WDFY4: variants seen among roughly 807,000 people sequenced by gnomAD.
WDFY4 encodes WD repeat- and FYVE domain-containing protein 4.
A neutral mutation model predicts 351.9 loss-of-function variants in WDFY4; 169 were observed. The observed-to-expected ratio is 0.48, with a 90% CI of 0.42 to 0.55. WDFY4 has a LOEUF of 0.55. WDFY4 is among the 20% of genes least tolerant of loss of function. The pLI is 0.00. For missense variants in WDFY4, 3,803 were observed against 3,935.6 expected (o/e 0.97, Z 0.90); for synonymous variants, 1,622 against 1,574.6 (o/e 1.03, Z -0.71).
At chr10:48,920,372 G>T (rs1185496314) in intron 47 of WDFY4, among the ~76,000 whole-genome samples, 12 of 151,840 alleles carry the variant, frequency 7.9e-5, no homozygotes, top group South Asian at 2.1e-4. Flanking sequence ...GTTGTGGGGT[G>T]GGGGGAAGGG....
intron 47 of WDFY4, chr10:48,913,289 GCT>G (rs1838175484): frequency 2.7e-6 from 3 of 1,097,098 alleles, no homozygotes; most frequent in Non-Finnish European, 3.9e-6. Flanking sequence ...TGAAAGAGCT[GCT>G]GCAGCCACAG....
intron 13 of WDFY4, among the ~76,000 whole-genome samples, chr10:48,761,334 T>C: frequency 6.6e-6 from 1 of 152,162 alleles, no homozygotes; most frequent in East Asian, 1.9e-4. Flanking sequence ...TGATCAGATT[T>C]TGCGTGAAAA....
chr10:48,818,391 C>G (rs1189675579), intron 32 of WDFY4, among the ~76,000 whole-genome samples: 4 of 152,160 alleles, frequency 2.6e-5, no homozygotes, highest in Admixed American at 2.6e-4. Context: ...AGAAGCATAC[C>G]CATGGCGGCA....
intron 12 of WDFY4, among the ~76,000 whole-genome samples, chr10:48,747,406 A>G (rs1394823987): frequency 6.6e-6 from 1 of 152,194 alleles, no homozygotes; most frequent in East Asian, 1.9e-4. Context: ...CTTTTATAAA[A>G]TATGGATTTT....
At chr10:48,805,913 G>T (rs887384109) in intron 26 of WDFY4, 91 bp from the exon 27 acceptor site, 1 of 1,027,076 alleles carries the variant, frequency 9.7e-7, no homozygotes. Context: ...GCAGCTGCAC[G>T]TGGGTGGGTC....
chr10:48,934,798 A>G (rs1334987996), intron 47 of WDFY4, among the ~76,000 whole-genome samples: 1 of 152,202 alleles, frequency 6.6e-6, no homozygotes, highest in Non-Finnish European at 1.5e-5. Flanking sequence ...GTTCAAACAC[A>G]TCTCCGCCTA....
intron 43 of WDFY4, among the ~76,000 whole-genome samples, chr10:48,890,013 ACAGGGGAAATGCTCACCTCGGTC>A (rs578133141): frequency 6.6e-6 from 1 of 152,354 alleles, no homozygotes; most frequent in South Asian, 2.1e-4. Context: ...ATTTCCAGCA[ACAGGGGAAATGCTCACCTCGGTC>A]CAAGAGGAAG....
At chr10:48,725,854 T>C (rs2064250708) in intron 5 of WDFY4, 27 bp from the exon 6 acceptor site, 1 of 1,527,986 alleles carries the variant, frequency 6.5e-7, no homozygotes, top group Admixed American at 2.0e-5. Context: ...CCAGGTCTCC[T>C]TGACTGTTTA....
rs1024361781 is a variant in WDFY4, at chr10:48,976,928, A to C, written c.9240A>C (p.Ala3080=). Residue 3080 remains alanine, a synonymous_variant, in exon 59 of 62, where the codon GCA becomes GCC. Coordinates refer to ENST00000325239, the MANE Select transcript of WDFY4 (RefSeq NM_001394531.1). The stretch of plus-strand genomic sequence containing the variant: ...GCTGCTGCCTGATGGAGGGCCCAGC[A>C]TGGGACACAAGCCAGATCATCATCA... ...ITCCCLMEGP[A]WDTSQIIITG... is the part of the protein sequence containing the mutation. 11 of 1,531,368 alleles carry C rather than the reference A, an allele frequency of 7.2e-6. 1 individual carries two copies. Among genetic ancestry groups the C allele is most frequent in the Middle Eastern group, 1.7e-4 (1 of 5,932 alleles). 94.9% of individuals were successfully genotyped at this position (1,531,368 alleles called of 1,614,324 possible).
At chr10:48,968,459 G>A (rs1251505595) in intron 55 of WDFY4, 1 of 152,874 alleles carries the variant, frequency 6.5e-6, no homozygotes, top group African/African-American at 2.4e-5. Context: ...CTGGGTGGTA[G>A]GGTCAGGAAG....
chr10:48,923,741 C>G (rs1163337536), intron 47 of WDFY4, among the ~76,000 whole-genome samples: 1 of 152,008 alleles, frequency 6.6e-6, no homozygotes, highest in African/African-American at 2.4e-5. Context: ...TAGTTCAAAT[C>G]TAGATTCTCA....
At chr10:48,950,342 A>C (rs1287322609) in intron 51 of WDFY4, among the ~76,000 whole-genome samples, 1 of 152,204 alleles carries the variant, frequency 6.6e-6, no homozygotes. Flanking sequence ...TAACGTCCTC[A>C]AGGTTCATCC....
intron 57 of WDFY4, 127 bp from the exon 58 acceptor site, chr10:48,974,735 G>C (rs907097218): frequency 2.1e-5 from 21 of 981,406 alleles, no homozygotes; most frequent in Admixed American, 5.7e-5. Context: ...AACAGACTTG[G>C]GAATCACTGA....
chr10:48,846,291 G>A (rs1216403648), intron 39 of WDFY4, among the ~76,000 whole-genome samples: 1 of 152,172 alleles, frequency 6.6e-6, no homozygotes, highest in African/African-American at 2.4e-5. Flanking sequence ...CTACCCTTGG[G>A]AAAATGTGGT....
intron 47 of WDFY4, among the ~76,000 whole-genome samples, chr10:48,933,527 T>C (rs1197784453): frequency 6.6e-6 from 1 of 152,206 alleles, no homozygotes; most frequent in East Asian, 1.9e-4. Flanking sequence ...GTTCTGCAGA[T>C]GCTGGCAGGA....
At chr10:48,815,749 T>G (rs186114629) in intron 31 of WDFY4, among the ~76,000 whole-genome samples, 2 of 152,308 alleles carry the variant, frequency 1.3e-5, no homozygotes, top group African/African-American at 4.8e-5. Flanking sequence ...TTTTTTTCTT[T>G]TAGCCAGTTT....
intron 52 of WDFY4, among the ~76,000 whole-genome samples, chr10:48,957,669 G>T (rs975985323): frequency 4.6e-5 from 7 of 152,194 alleles, no homozygotes; most frequent in Non-Finnish European, 8.8e-5. Flanking sequence ...TCCCACAAAT[G>T]GGTTCATGTG....
intron 38 of WDFY4, among the ~76,000 whole-genome samples, chr10:48,831,386 T>C (rs2068183777): frequency 1.3e-5 from 2 of 152,252 alleles, no homozygotes; most frequent in Non-Finnish European, 2.9e-5. Context: ...AACAACATTT[T>C]TGCATATTAG....
chr10:48,890,985 T>C (rs1030075201), intron 44 of WDFY4, among the ~76,000 whole-genome samples: 3 of 152,194 alleles, frequency 2.0e-5, no homozygotes, highest in Non-Finnish European at 4.4e-5. Flanking sequence ...GACTCAGGGA[T>C]CAGTCCTTCA....
Sources: gnomAD v4.1 joint callset for allele counts (sites outside exome capture counted in the v4.1 genomes callset) on GRCh38, gnomAD v4.1.1 for gene constraint, MANE v1.5 for transcripts, NCBI Gene and HGNC (gene_info 2026-07-23, HGNC 2026-07-21) for gene names.